DGKI: variants seen among roughly 807,000 people sequenced by gnomAD.
DGKI encodes the protein diacylglycerol kinase iota.
A neutral mutation model predicts 147.5 loss-of-function variants in DGKI; 55 were observed. That is an observed-to-expected ratio of 0.37 (90% CI 0.30 to 0.47). The LOEUF (loss-of-function observed/expected upper bound fraction) is 0.47, where lower values mean the gene tolerates loss of function less well. Ranked by LOEUF, DGKI falls within the 20% of genes least tolerant of loss-of-function variation. DGKI has a pLI of 1.00. For missense variants in DGKI, 1,007 were observed against 1,323.8 expected, an observed-to-expected ratio of 0.76 and a Z score of 3.71; for synonymous variants, 469 against 477.1, an observed-to-expected ratio of 0.98 and a Z score of 0.22.
chr7:137,599,794 T>G, intron 11 of DGKI, 29 bp downstream of exon 11: 1 of 1,605,028 alleles, frequency 6.2e-7, no homozygotes. Flanking sequence ...AAAATACATA[T>G]GGACCATGGA....
chr7:137,692,063 G>A (rs1435088515), intron 1 of DGKI, among the ~76,000 whole-genome samples: 2 of 152,082 alleles, frequency 1.3e-5, no homozygotes, highest in Admixed American at 6.5e-5. Context: ...ATCAATTTTG[G>A]CCCCTCACCC....
At chr7:137,775,882 G>GC (rs1796348092) in intron 1 of DGKI, among the ~76,000 whole-genome samples, 1 of 151,810 alleles carries the variant, frequency 6.6e-6, no homozygotes, top group South Asian at 2.1e-4. Context: ...TTTTGGCAGA[G>GC]TTTTTCGCCC....
chr7:137,736,660 A>T (rs1336957058), intron 1 of DGKI, among the ~76,000 whole-genome samples: 1 of 152,132 alleles, frequency 6.6e-6, no homozygotes, highest in Non-Finnish European at 1.5e-5. Flanking sequence ...TCTAGGAAAA[A>T]TACTGAAAGT....
At chr7:137,632,891 AAAC>A (rs1437485023) in intron 6 of DGKI, among the ~76,000 whole-genome samples, 1 of 149,852 alleles carries the variant, frequency 6.7e-6, no homozygotes, top group Non-Finnish European at 1.5e-5. Context: ...ACAAACAAAC[AAAC>A]GTGAGGCCCA....
chr7:137,441,195 C>T lies in DGKI; in HGVS notation c.2761+2882G>A, dbSNP rs561247331. Among the ~76,000 whole-genome samples, 109 of 151,838 alleles carry T rather than the reference C, an allele frequency of 7.2e-4. 1 individual carries two copies. In the South Asian group the frequency reaches 1.0e-2, roughly 14 times the overall value. On this transcript the variant is annotated intron_variant, in intron 28 of 32. Transcript: ENST00000614521. ...CAGTACTTTGGGAGGCCGAGGTGGG[C>T]GAATCGAGAGGTCAGGAGATCGAGA...
At chr7:137,715,504 T>G (rs1794348808) in intron 1 of DGKI, among the ~76,000 whole-genome samples, 1 of 152,210 alleles carries the variant, frequency 6.6e-6, no homozygotes, top group South Asian at 2.1e-4. Context: ...TGAAAGTCTC[T>G]TAAAGTCCAG....
intron 1 of DGKI, among the ~76,000 whole-genome samples, chr7:137,772,582 A>G (rs1186744356): frequency 5.3e-5 from 8 of 152,212 alleles, no homozygotes; most frequent in African/African-American, 9.7e-5. Context: ...CCTGCTCACT[A>G]AAGGCAACCA....
intron 21 of DGKI, among the ~76,000 whole-genome samples, chr7:137,515,812 C>T (rs1486919563): frequency 4.6e-5 from 7 of 151,758 alleles, no homozygotes; most frequent in African/African-American, 9.7e-5. Context: ...AGCAATAGTA[C>T]GATGTGTGTT....
At chr7:137,501,355 C>G (rs1243495989) in intron 21 of DGKI, among the ~76,000 whole-genome samples, 2 of 152,162 alleles carry the variant, frequency 1.3e-5, no homozygotes, top group Non-Finnish European at 2.9e-5. Context: ...CTTCCATATA[C>G]TGATTCCTTT....
At chr7:137,814,096 T>C (rs1797667937) in intron 1 of DGKI, among the ~76,000 whole-genome samples, 1 of 152,038 alleles carries the variant, frequency 6.6e-6, no homozygotes, top group South Asian at 2.1e-4. Flanking sequence ...TTCCAAAGGA[T>C]CTCCAGAGCA....
chr7:137,691,827 T>C lies in DGKI; in HGVS notation c.402-1825A>G, dbSNP rs1823624865. 2.1e-5 allele frequency among the ~76,000 whole-genome samples: 3 copies of C among 144,094 alleles called. 1 individual carries two copies. The highest frequency in any genetic ancestry group is 4.4e-4 in the South Asian group (2 of 4,570). 94.5% of individuals were successfully genotyped at this position (144,094 alleles called of 152,430 possible). ...TTTTTTTTTTTTTTTTTTTTAAGCCTCTTGTATTCCTATACAGGAAGTCCC... is the reference window on the plus strand; with the variant it reads ...TTTTTTTTTTTTTTTTTTTTAAGCCCCTTGTATTCCTATACAGGAAGTCCC... On this transcript the variant is annotated intron_variant, in intron 1 of 32. Transcript: ENST00000614521.
chr7:137,527,804 T>C (rs1817204409), intron 20 of DGKI, among the ~76,000 whole-genome samples: 1 of 152,274 alleles, frequency 6.6e-6, no homozygotes, highest in South Asian at 2.1e-4. Flanking sequence ...ATGAATTGCC[T>C]TAACTTCTTT....
At chr7:137,655,685 C>T (rs1378514337) in intron 4 of DGKI, among the ~76,000 whole-genome samples, 3 of 152,116 alleles carry the variant, frequency 2.0e-5, no homozygotes, top group Non-Finnish European at 2.9e-5. Flanking sequence ...GTAGTCATTG[C>T]CACAAGATAT....
intron 1 of DGKI, among the ~76,000 whole-genome samples, chr7:137,845,646 C>G (rs901721861): frequency 7.9e-5 from 12 of 152,254 alleles, no homozygotes; most frequent in Non-Finnish European, 1.5e-4. Context: ...ATCCTAATTC[C>G]TCGTTGTTGG....
chr7:137,581,489 T>C (rs1819190725), intron 15 of DGKI, among the ~76,000 whole-genome samples: 1 of 152,158 alleles, frequency 6.6e-6, no homozygotes, highest in South Asian at 2.1e-4. Flanking sequence ...AAGAATATCC[T>C]AGTGACTTCA....
chr7:137,606,264 A>T lies in DGKI; in HGVS notation c.1167+2702T>A, dbSNP rs706574. The stretch of plus-strand genomic sequence containing the variant: ...CTATTTTTCTTGCCAGTAGGTGGCA[A>T]TATTGTCCAGTAATTTACTTAGAAG... On this transcript the variant is annotated intron_variant, in intron 10 of 32. Coordinates refer to ENST00000614521, the MANE Select transcript of DGKI (RefSeq NM_001321708.2). 4.6e-3 allele frequency among the ~76,000 whole-genome samples: 701 copies of T among 152,222 alleles called. 8 individuals are homozygous for T. Among genetic ancestry groups the T allele is most frequent in the African/African-American group, 0.016 (673 of 41,546 alleles).
At chr7:137,626,423 C>T (rs1488108804) in intron 6 of DGKI, among the ~76,000 whole-genome samples, 1 of 151,826 alleles carries the variant, frequency 6.6e-6, no homozygotes. Flanking sequence ...CAGCAACAAC[C>T]CCCACAGTCC....
At chr7:137,583,793 T>C (rs1032635266) in intron 14 of DGKI, among the ~76,000 whole-genome samples, 1 of 152,242 alleles carries the variant, frequency 6.6e-6, no homozygotes, top group East Asian at 1.9e-4. Flanking sequence ...ATCCAATTTC[T>C]ATAAGTCAAA....
At chr7:137,587,060 T>C in intron 13 of DGKI, 37 bp downstream of exon 13, 1 of 1,445,532 alleles carries the variant, frequency 6.9e-7, no homozygotes, top group Non-Finnish European at 9.3e-7. Context: ...CGGTTTGTTG[T>C]TTGATGATAT....
Sources: allele counts gnomAD v4.1 joint callset (sites outside exome capture counted in the v4.1 genomes callset), GRCh38; gene constraint gnomAD v4.1.1; transcripts MANE v1.5; gene names NCBI Gene and HGNC (gene_info 2026-07-23, HGNC 2026-07-21).